The following SND1 variants were observed in gnomAD, a reference collection of about 807,000 sequenced individuals.
The protein encoded by SND1 is staphylococcal nuclease and tudor domain containing 1.
SND1 carries 38 observed loss-of-function variants against 121.7 expected under a neutral mutation model. The observed-to-expected ratio is 0.31, with a 90% CI of 0.24 to 0.41. The LOEUF is 0.41. SND1 is among the 10% of genes least tolerant of loss of function. SND1 has a pLI of 1.00. For synonymous variants in SND1, 401 were observed against 447.4 expected (o/e 0.90, Z 1.31); for missense variants, 868 against 1,184.6 (o/e 0.73, Z 3.92).
rs146890968 is a variant in SND1 at position 127,690,262 on chromosome 7, T to C, written c.228+3500T>C. 9.8e-5 allele frequency among the ~76,000 whole-genome samples: 15 copies of C among 152,288 alleles called. No individual in the cohort carries two copies. In the East Asian group the frequency reaches 2.9e-3, roughly 29 times the overall value. ...TCATTACCTCTGTGACAAATCTAAA[T>C]GCCTTAGCCTGGGTTACAAGCGCAT... is the stretch of plus-strand genomic sequence containing the variant. On this transcript the variant is annotated intron_variant, in intron 2 of 23. Transcript: ENST00000354725.
chr7:128,056,042 T>C (rs1373738408), intron 16 of SND1, among the ~76,000 whole-genome samples: 4 of 152,212 alleles, frequency 2.6e-5, no homozygotes, highest in Non-Finnish European at 1.5e-5. Context: ...ATTTTTTTAT[T>C]AGTAAAATGG....
At position 127,964,481 on chromosome 7, in the gene SND1, A is replaced by C. The variant is rs879675704; in HGVS notation, c.1670-26466A>C. Among the ~76,000 whole-genome samples, 539 of 151,000 alleles carry C rather than the reference A, an allele frequency of 3.6e-3. 4 individuals carry two copies. The highest frequency in any genetic ancestry group is 6.2e-3 in the Non-Finnish European group (421 of 67,608). ...TTCAGCTTTCTACATATGGCTAGCC[A>C]ATTTTCCCAGCACCATTTATTAAAT... On this transcript the variant is annotated intron_variant, in intron 15 of 23. Transcript: ENST00000354725.
At chr7:127,776,580 T>A (rs1379985687) in intron 10 of SND1, among the ~76,000 whole-genome samples, 1 of 152,174 alleles carries the variant, frequency 6.6e-6, no homozygotes, top group East Asian at 1.9e-4. Flanking sequence ...ATAAAATAGT[T>A]CCTCTTATTT....
intron 22 of SND1, among the ~76,000 whole-genome samples, chr7:128,091,287 C>T (rs1161749824): frequency 1.3e-5 from 2 of 152,164 alleles, no homozygotes; most frequent in South Asian, 2.1e-4. Context: ...GCCGGAATCA[C>T]GACTCACTGC....
chr7:128,046,351 T>TGG (rs1792946435), intron 16 of SND1, among the ~76,000 whole-genome samples: 1 of 150,726 alleles, frequency 6.6e-6, no homozygotes, highest in Admixed American at 6.6e-5. Context: ...GGTTTTTTTT[T>TGG]TGGTTGTTGT....
At position 128,025,631 on chromosome 7, in the gene SND1, C is replaced by G. The variant is rs1038039919; in HGVS notation, c.1779+34575C>G. 3.3e-5 allele frequency among the ~76,000 whole-genome samples: 5 copies of G among 152,184 alleles called. No homozygotes were observed. The East Asian group carries it at 5.8e-4, about 18-fold the overall frequency. ...TGCATTTTTGGTACTCACGGGATGC[C>G]TCTCTGAAAAGCTGTCCCAAGTGCC... On this transcript the variant is annotated intron_variant, in intron 16 of 23. Transcript: ENST00000354725.
chr7:127,681,134 G>A (rs1795718720), intron 1 of SND1, among the ~76,000 whole-genome samples: 1 of 152,128 alleles, frequency 6.6e-6, no homozygotes, highest in Admixed American at 6.5e-5. Context: ...GAGGGGTCCA[G>A]TTTTTACACA....
chr7:127,780,981 A>G (rs879298572), intron 10 of SND1, among the ~76,000 whole-genome samples: 3 of 152,208 alleles, frequency 2.0e-5, no homozygotes, highest in Non-Finnish European at 4.4e-5. Context: ...TTGCAGAGAC[A>G]CTGTAATATT....
chr7:127,698,130 G>T (rs1038329073), intron 3 of SND1, among the ~76,000 whole-genome samples: 1 of 152,100 alleles, frequency 6.6e-6, no homozygotes, highest in African/African-American at 2.4e-5. Flanking sequence ...AGGTCTGATG[G>T]CTGCTTTGTG....
chr7:128,014,859 C>T (rs1803193760), intron 16 of SND1, among the ~76,000 whole-genome samples: 1 of 152,182 alleles, frequency 6.6e-6, no homozygotes, highest in African/African-American at 2.4e-5. Context: ...CCACCAGCTC[C>T]CAAGCATCAC....
intron 11 of SND1, among the ~76,000 whole-genome samples, chr7:127,832,152 A>G (rs917207657): frequency 1.3e-5 from 2 of 152,286 alleles, no homozygotes; most frequent in East Asian, 1.9e-4. Flanking sequence ...CCAACTTATA[A>G]CTCATGAGAT....
intron 15 of SND1, among the ~76,000 whole-genome samples, chr7:127,964,861 A>G (rs1225233093): frequency 1.1e-5 from 1 of 91,050 alleles, no homozygotes; most frequent in East Asian, 2.6e-4. Context: ...GGCCATTTTC[A>G]CGATATTGAT....
At chr7:127,708,330 C>CAAA (rs1796238442) in intron 9 of SND1, among the ~76,000 whole-genome samples, 1 of 151,374 alleles carries the variant, frequency 6.6e-6, no homozygotes, top group Admixed American at 6.6e-5. Flanking sequence ...TATTAAGTGC[C>CAAA]CTTCTTTCCT....
At position 127,721,327 on chromosome 7, in the gene SND1, T is replaced by A. The variant is rs568517395; in HGVS notation, c.1079T>A (p.Leu360Gln). 31 of 1,613,682 alleles carry A rather than the reference T, an allele frequency of 1.9e-5. No individual in the cohort carries two copies. The South Asian group carries it at 3.3e-4, about 17-fold the overall frequency. Residue 360 changes from leucine to glutamine, a missense_variant, in exon 10 of 24, where the codon CTG becomes CAG. By Grantham distance (113) the Leu-to-Gln change is moderately radical. Transcript: ENST00000354725. ...AATGCTGATGCCATTGTTGTGAAGC[T>A]GAACTCAGGCGATTACAAGACGATT... is the stretch of plus-strand genomic sequence containing the variant. ...VLNADAIVVK[L>Q]NSGDYKTIHL...
chr7:127,813,165 T>C (rs1053987405), intron 11 of SND1, among the ~76,000 whole-genome samples: 2 of 152,216 alleles, frequency 1.3e-5, no homozygotes, highest in Non-Finnish European at 2.9e-5. Context: ...TGACTTGTAA[T>C]TTCCGACCAT....
chr7:127,704,328 G>C (rs1796153662), intron 7 of SND1, among the ~76,000 whole-genome samples: 1 of 152,182 alleles, frequency 6.6e-6, no homozygotes, highest in Admixed American at 6.5e-5. Context: ...GTTTCTTCTG[G>C]AGTGCTGTCT....
At chr7:127,818,234 G>T (rs1453010762) in intron 11 of SND1, among the ~76,000 whole-genome samples, 3 of 152,102 alleles carry the variant, frequency 2.0e-5, no homozygotes, top group African/African-American at 7.2e-5. Context: ...TGCTATGTGT[G>T]AATTGAAATT....
chr7:128,083,770 A>G (rs1034914119), intron 18 of SND1, among the ~76,000 whole-genome samples: 1 of 152,190 alleles, frequency 6.6e-6, no homozygotes, highest in Admixed American at 6.5e-5. Flanking sequence ...ACAGATCCAC[A>G]GTCACCCTCC....
intron 11 of SND1, among the ~76,000 whole-genome samples, chr7:127,827,684 A>G (rs1798667229): frequency 6.6e-6 from 1 of 152,212 alleles, no homozygotes; most frequent in Admixed American, 6.5e-5. Context: ...GATGTCACTA[A>G]TCAAATACTT....
Sources: gnomAD v4.1 joint callset for allele counts (sites outside exome capture counted in the v4.1 genomes callset) on GRCh38, gnomAD v4.1.1 for gene constraint, MANE v1.5 for transcripts, NCBI Gene and HGNC (gene_info 2026-07-23, HGNC 2026-07-21) for gene names.